TTC28: variants seen among roughly 807,000 people sequenced by gnomAD.
The protein encoded by TTC28 is tetratricopeptide repeat protein 28.
TTC28 carries 61 observed loss-of-function variants against 198.0 expected under a neutral mutation model. The ratio of observed to expected loss-of-function variants is 0.31; its 90% confidence interval spans 0.25 to 0.38. The LOEUF (loss-of-function observed/expected upper bound fraction) is 0.38. Ranked by LOEUF, TTC28 falls within the 10% of genes least tolerant of loss-of-function variation. TTC28 has a pLI of 1.00. For synonymous variants in TTC28, 1,171 were observed against 1,297.8 expected (o/e 0.90, Z 2.10); for missense variants, 2,678 against 3,164.0 (o/e 0.85, Z 3.69).
At chr22:28,187,137 A>T (rs973425501) in intron 5 of TTC28, among the ~76,000 whole-genome samples, 5 of 152,132 alleles carry the variant, frequency 3.3e-5, no homozygotes, top group African/African-American at 1.2e-4. Context: ...TATAAGAAAA[A>T]TAGGTAGAAA....
chr22:28,032,232 TAAA>T lies in TTC28; in HGVS notation c.3933-1869_3933-1867del, dbSNP rs1249072961. On this transcript the variant is annotated intron_variant, in intron 12 of 22. Coordinates refer to ENST00000397906, the MANE Select transcript of TTC28 (RefSeq NM_001145418.2). ...TATATATATATAAAATATATATATATAAAATATATATATATAAAATATATATAT... is the reference window on the plus strand; with the variant it reads ...TATATATATATAAAATATATATATATATATATATATATAAAATATATATAT... 2.7e-3 allele frequency among the ~76,000 whole-genome samples: 348 copies of T among 128,518 alleles called. 1 individual carries two copies. Among genetic ancestry groups the T allele is most frequent in the African/African-American group, 9.0e-3 (284 of 31,584 alleles). 84.3% of individuals were successfully genotyped at this position (128,518 alleles called of 152,430 possible). A position where few individuals can be genotyped will look rare whatever the true frequency, so the allele number is the denominator to read the frequency against.
rs189337228 is a variant in TTC28 at position 28,101,381 on chromosome 22, T to C, written c.3308-101A>G. 3 of 1,024,490 alleles carry C rather than the reference T, an allele frequency of 2.9e-6. No individual in the cohort carries two copies. In the African/African-American group the frequency reaches 4.9e-5, roughly 17 times the overall value. 63.5% of individuals were successfully genotyped at this position (1,024,490 alleles called of 1,614,324 possible). On this transcript the variant is annotated intron_variant, in intron 8 of 22. Transcript: ENST00000397906. ...ATTTTACTTTTGTGTTTTTGTTTGT[T>C]TTGAGACAGGGTCTCACTCTGTTCC...
At chr22:27,984,380 C>T (rs556663794) in intron 22 of TTC28, among the ~76,000 whole-genome samples, 2 of 152,146 alleles carry the variant, frequency 1.3e-5, no homozygotes, top group African/African-American at 4.8e-5. Flanking sequence ...ATGAGGTCCA[C>T]ACTGCCAAAT....
At chr22:27,997,220 G>C (rs1274134568) in intron 16 of TTC28, among the ~76,000 whole-genome samples, 1 of 152,228 alleles carries the variant, frequency 6.6e-6, no homozygotes, top group Admixed American at 6.5e-5. Flanking sequence ...TGCATGCTTC[G>C]CCTGGCAGAA....
intron 2 of TTC28, among the ~76,000 whole-genome samples, chr22:28,402,384 C>A (rs1289710047): frequency 6.6e-6 from 1 of 152,202 alleles, no homozygotes; most frequent in Non-Finnish European, 1.5e-5. Context: ...GTGGCACATG[C>A]AATAAATAAG....
intron 2 of TTC28, among the ~76,000 whole-genome samples, chr22:28,615,472 T>C (rs529459814): frequency 1.5e-4 from 23 of 152,186 alleles, no homozygotes; most frequent in Non-Finnish European, 2.5e-4. Flanking sequence ...GGATTATAAA[T>C]CATGCTGCTA....
At chr22:28,435,084 T>C (rs2047498312) in intron 2 of TTC28, among the ~76,000 whole-genome samples, 1 of 152,232 alleles carries the variant, frequency 6.6e-6, no homozygotes, top group Admixed American at 6.5e-5. Context: ...AAAGCTTATA[T>C]GCAGCTTTGA....
At chr22:28,462,282 T>C (rs986218036) in intron 2 of TTC28, among the ~76,000 whole-genome samples, 1 of 152,174 alleles carries the variant, frequency 6.6e-6, no homozygotes, top group Non-Finnish European at 1.5e-5. Flanking sequence ...ACAAGTGTTA[T>C]ATGCCACATC....
Position 27,983,760 on chromosome 22 carries a change from G to A in TTC28, c.5907C>T (p.Pro1969=). The change falls in exon 23 of 23, where the codon CCC becomes CCT. Residue 1969 remains proline (P), a synonymous_variant. Transcript: ENST00000397906. ...AGAAGGGGGGTTGCTGGTAACCCAA[G>A]GGCAGGGCGTTGGAAACAGACTGAG... ...ASAQSVSNAL[P]LGYQQPPFSP... The A allele has an allele frequency of 1.3e-6, 2 of 1,551,726 alleles. No homozygotes were observed. The highest frequency in any genetic ancestry group is 1.7e-6 in the Non-Finnish European group (2 of 1,147,016).
chr22:28,262,258 G>A (rs1200094892), intron 5 of TTC28, among the ~76,000 whole-genome samples: 2 of 152,134 alleles, frequency 1.3e-5, no homozygotes, highest in Non-Finnish European at 2.9e-5. Context: ...TGTCACATAA[G>A]AGTAGTTCAA....
chr22:28,143,931 GAGAA>G (rs1943401147), intron 6 of TTC28, among the ~76,000 whole-genome samples: 1 of 152,118 alleles, frequency 6.6e-6, no homozygotes. Flanking sequence ...TTTTTACGAA[GAGAA>G]ACTATTTAAA....
At position 27,979,647 on chromosome 22, in the gene TTC28, A is replaced by T. The variant is rs1044073602; in HGVS notation, c.*2574T>A. 1 of 124,130 alleles carries T rather than the reference A, an allele frequency of 8.1e-6. No homozygotes were observed. Among genetic ancestry groups the T allele is most frequent in the African/African-American group, 3.1e-5 (1 of 32,480 alleles). 7.7% of individuals were successfully genotyped at this position (124,130 alleles called of 1,614,324 possible). On this transcript the variant is annotated 3_prime_UTR_variant, in exon 23 of 23. Transcript: ENST00000397906. Reference sequence around the variant, plus strand: ...TCTTAGCCTGTGGGTCATAGTTGCCAACCCCTGATCTACACAAAGAAATCT... The same window carrying T: ...TCTTAGCCTGTGGGTCATAGTTGCCTACCCCTGATCTACACAAAGAAATCT...
chr22:28,417,657 A>G (rs1272189541), intron 2 of TTC28, among the ~76,000 whole-genome samples: 1 of 152,232 alleles, frequency 6.6e-6, no homozygotes, highest in Non-Finnish European at 1.5e-5. Context: ...AGGCATATGC[A>G]CATGCATTTT....
At chr22:28,637,201 A>G (rs12169232) in intron 1 of TTC28, among the ~76,000 whole-genome samples, 20,703 of 151,798 alleles carry the variant, frequency 0.14, 1,641 homozygotes, top group African/African-American at 0.2. Context: ...TAGTAGAGAC[A>G]GGGTTTCACC....
At chr22:28,525,607 A>G (rs2048990952) in intron 2 of TTC28, among the ~76,000 whole-genome samples, 1 of 152,210 alleles carries the variant, frequency 6.6e-6, no homozygotes, top group South Asian at 2.1e-4. Flanking sequence ...TCTTTTATAA[A>G]TAAGTTTGTT....
At chr22:28,569,372 G>A (rs576649956) in intron 2 of TTC28, among the ~76,000 whole-genome samples, 266 of 151,996 alleles carry the variant, frequency 1.8e-3, no homozygotes, top group Middle Eastern at 3.4e-3. Context: ...ATATACAATG[G>A]AGCAGGTTAG....
chr22:28,519,834 G>C (rs1289271603), intron 2 of TTC28, among the ~76,000 whole-genome samples: 3 of 152,202 alleles, frequency 2.0e-5, no homozygotes, highest in African/African-American at 7.2e-5. Flanking sequence ...TTGGTCTCTA[G>C]TGCATTGGGC....
intron 12 of TTC28, among the ~76,000 whole-genome samples, chr22:28,035,861 A>C (rs537574349): frequency 2.0e-5 from 3 of 152,344 alleles, no homozygotes; most frequent in Non-Finnish European, 4.4e-5. Flanking sequence ...AACAGACTTT[A>C]AACCAACAAA....
chr22:28,047,861 T>A (rs1939929853), intron 12 of TTC28, among the ~76,000 whole-genome samples: 1 of 151,964 alleles, frequency 6.6e-6, no homozygotes, highest in African/African-American at 2.4e-5. Context: ...CTGGGCTCAG[T>A]TTTTTCTTCT....
Sources: allele counts gnomAD v4.1 joint callset (sites outside exome capture counted in the v4.1 genomes callset), GRCh38; gene constraint gnomAD v4.1.1; transcripts MANE v1.5; gene names NCBI Gene and HGNC (gene_info 2026-07-23, HGNC 2026-07-21).